Variants in CDH8 observed in about 807,000 individuals in gnomAD.
CDH8 encodes cadherin 8.
A neutral mutation model predicts 68.1 loss-of-function variants in CDH8; 17 were observed. The observed-to-expected ratio is 0.25, with a 90% CI of 0.17 to 0.37. The LOEUF (loss-of-function observed/expected upper bound fraction) is 0.37, where lower values mean the gene tolerates loss of function less well. Ranked by LOEUF, CDH8 falls within the 10% of genes least tolerant of loss-of-function variation. The pLI is 1.00. For missense variants in CDH8, 763 were observed against 999.3 expected (o/e 0.76, Z 3.19); for synonymous variants, 372 against 365.1 (o/e 1.02, Z -0.21).
chr16:61,973,850 A>T (rs76229592), intron 2 of CDH8, among the ~76,000 whole-genome samples: 252 of 152,358 alleles, frequency 1.7e-3, no homozygotes, highest in African/African-American at 5.7e-3. Flanking sequence ...CTTTTCCAAG[A>T]ACTACATGTA....
intron 2 of CDH8, among the ~76,000 whole-genome samples, chr16:61,961,351 G>A (rs2150571699): frequency 6.6e-6 from 1 of 151,706 alleles, no homozygotes. Flanking sequence ...CACATCATTC[G>A]CCCACTGAAC....
At chr16:61,890,011 C>A (rs1290494608) in intron 3 of CDH8, among the ~76,000 whole-genome samples, 3 of 152,128 alleles carry the variant, frequency 2.0e-5, no homozygotes, top group Non-Finnish European at 4.4e-5. Flanking sequence ...CAGAACATTA[C>A]TTGAATAGAA....
chr16:61,817,322 AC>A, intron 7 of CDH8, among the ~76,000 whole-genome samples, 156 bp downstream of exon 7: 1 of 151,662 alleles, frequency 6.6e-6, no homozygotes, highest in African/African-American at 2.4e-5. Context: ...CCACACACAC[AC>A]ACACACACAC....
intron 7 of CDH8, among the ~76,000 whole-genome samples, chr16:61,798,769 G>T (rs896490291): frequency 2.0e-5 from 3 of 152,128 alleles, no homozygotes; most frequent in Admixed American, 2.0e-4. Context: ...AAGAAGTCTT[G>T]AAGAAACACT....
intron 9 of CDH8, among the ~76,000 whole-genome samples, chr16:61,722,854 G>T (rs1471207769): frequency 6.6e-6 from 1 of 150,544 alleles, no homozygotes; most frequent in Non-Finnish European, 1.5e-5. Flanking sequence ...AAGATGAGAT[G>T]AAAGAAGAGA....
At position 61,789,497 on chromosome 16, in the gene CDH8, C is replaced by G. The variant is rs751577796; in HGVS notation, c.1278-15G>C. On this transcript the variant is annotated splice_polypyrimidine_tract_variant and intron_variant, in intron 7 of 11. Coordinates refer to ENST00000577390, the MANE Select transcript of CDH8 (RefSeq NM_001796.5). ...CGATGGAAAACCTACAAAACAGACA[C>G]ATCTGTAATCTACTTCAATGTTTAT... 6 of 1,610,652 alleles carry G rather than the reference C, an allele frequency of 3.7e-6. No homozygotes were observed. Among genetic ancestry groups the G allele is most frequent in the Non-Finnish European group, 5.1e-6 (6 of 1,178,058 alleles).
At chr16:61,712,888 T>G (rs969897233) in intron 10 of CDH8, among the ~76,000 whole-genome samples, 2 of 151,642 alleles carry the variant, frequency 1.3e-5, no homozygotes, top group Non-Finnish European at 3.0e-5. Flanking sequence ...TAAAGGAAAT[T>G]TTATCAAGAT....
chr16:61,778,196 A>T (rs1029975441), intron 8 of CDH8, among the ~76,000 whole-genome samples: 5 of 152,030 alleles, frequency 3.3e-5, no homozygotes, highest in African/African-American at 4.8e-5. Flanking sequence ...CTCTCCCACT[A>T]TCTCCCCTTC....
At chr16:61,770,848 T>C (rs1379672351) in intron 8 of CDH8, among the ~76,000 whole-genome samples, 1 of 151,950 alleles carries the variant, frequency 6.6e-6, no homozygotes, top group Non-Finnish European at 1.5e-5. Flanking sequence ...TCTTCAACAA[T>C]CTGTGTCTGA....
At chr16:61,699,183 G>T (rs575379823) in intron 10 of CDH8, among the ~76,000 whole-genome samples, 1 of 151,998 alleles carries the variant, frequency 6.6e-6, no homozygotes, top group Non-Finnish European at 1.5e-5. Flanking sequence ...CATTCTCATC[G>T]CCCTTCTGAG....
In CDH8 at chr16:61,953,714, C is replaced by T. The variant is rs1048908840; in HGVS notation, c.253-52241G>A. Among the ~76,000 whole-genome samples the T allele has an allele frequency of 4.6e-5, 7 of 150,794 alleles. No homozygotes were observed. In the East Asian group the frequency reaches 1.4e-3, roughly 30 times the overall value. On this transcript the variant is annotated intron_variant, in intron 2 of 11. Transcript: ENST00000577390. ...AACACCCTGTCTCTACAAAAAAATA[C>T]AAAAACTAGCCAGGCATGGTGGCAC...
chr16:61,722,042 C>T (rs937760108), intron 9 of CDH8, among the ~76,000 whole-genome samples: 2 of 150,762 alleles, frequency 1.3e-5, no homozygotes, highest in African/African-American at 4.8e-5. Flanking sequence ...GCAGTTACAG[C>T]TTCCTAAATG....
chr16:62,030,420 T>G (rs541915575), intron 1 of CDH8, among the ~76,000 whole-genome samples: 1 of 152,244 alleles, frequency 6.6e-6, no homozygotes, highest in South Asian at 2.1e-4. Context: ...AAGATGGGAA[T>G]AGTTAGACAC....
intron 8 of CDH8, among the ~76,000 whole-genome samples, chr16:61,734,123 T>C (rs1284438534): frequency 6.6e-6 from 1 of 152,034 alleles, no homozygotes; most frequent in Admixed American, 6.6e-5. Context: ...TAGCAGAGAA[T>C]AATCAAACAG....
intron 10 of CDH8, among the ~76,000 whole-genome samples, chr16:61,676,353 T>A (rs1596856444): frequency 2.6e-5 from 4 of 151,900 alleles, no homozygotes; most frequent in Admixed American, 2.6e-4. Context: ...GAACAATGAA[T>A]ATTAGTGATA....
At chr16:61,712,022 C>T (rs1964640355) in intron 10 of CDH8, among the ~76,000 whole-genome samples, 1 of 151,424 alleles carries the variant, frequency 6.6e-6, no homozygotes, top group Non-Finnish European at 1.5e-5. Context: ...TATGAAAAAC[C>T]TATAAGATAG....
chr16:61,824,964 T>C (rs773708576), intron 5 of CDH8, 48 bp downstream of exon 5: 14 of 1,462,420 alleles, frequency 9.6e-6, no homozygotes, highest in Non-Finnish European at 1.3e-5. Flanking sequence ...TAAATTCAAA[T>C]GGAAACATCA....
chr16:61,905,470 T>C (rs1252790091), intron 2 of CDH8, among the ~76,000 whole-genome samples: 1 of 152,056 alleles, frequency 6.6e-6, no homozygotes, highest in African/African-American at 2.4e-5. Flanking sequence ...TTATTATTAA[T>C]GTATTGACTA....
chr16:61,855,152 C>T (rs1404342313), intron 4 of CDH8, among the ~76,000 whole-genome samples: 1 of 152,074 alleles, frequency 6.6e-6, no homozygotes, highest in Non-Finnish European at 1.5e-5. Context: ...GCCAAATAAA[C>T]TTTCTAAACT....
Sources: gnomAD v4.1 joint callset for allele counts (sites outside exome capture counted in the v4.1 genomes callset) on GRCh38, gnomAD v4.1.1 for gene constraint, MANE v1.5 for transcripts, NCBI Gene and HGNC (gene_info 2026-07-23, HGNC 2026-07-21) for gene names.